The following TRIOBP variants were observed in gnomAD, a reference collection of about 807,000 sequenced individuals.
TRIOBP encodes TRIO and F-actin binding protein.
Under a neutral mutation model 238.8 loss-of-function variants are expected in TRIOBP, and 169 were observed. The ratio of observed to expected loss-of-function variants is 0.71; its 90% CI spans 0.62 to 0.80. The LOEUF (loss-of-function observed/expected upper bound fraction) is 0.80. Among genes scored for constraint, TRIOBP ranks in the 30% least tolerant of loss-of-function variants. The probability of loss-of-function intolerance (pLI) is 0.00; values close to 1 mark genes in which losing one functional copy is unlikely to be tolerated. For synonymous variants in TRIOBP, 1,150 were observed against 1,274.4 expected (o/e 0.90, Z 2.08); for missense variants, 2,838 against 3,122.6 (o/e 0.91, Z 2.17).
chr22:37,758,312 T>A, intron 16 of TRIOBP, among the ~76,000 whole-genome samples, 174 bp downstream of exon 16: 1 of 152,186 alleles, frequency 6.6e-6, no homozygotes, highest in Non-Finnish European at 1.5e-5. Flanking sequence ...CCTTAGACCT[T>A]AGTAGTTTGG....
rs757070140 is a variant in TRIOBP, at chr22:37,713,350, C to G, written c.395C>G (p.Ser132Cys). 291 of 1,614,042 alleles carry G rather than the reference C, an allele frequency of 1.8e-4. No homozygotes were observed. Among genetic ancestry groups the G allele is most frequent in the Non-Finnish European group, 2.3e-4 (277 of 1,179,986 alleles). The change falls in exon 5 of 24, where the codon TCT becomes TGT. Residue 132 changes from serine (S) to cysteine (C), a missense_variant. This residue lies in a region of TRIOBP where 535 missense variants were observed against 537.3 expected (regional missense o/e 1.00). Transcript: ENST00000644935. Reference sequence around the variant, plus strand: ...GGCAGCTGCAACGAGGACCCCGGCTCTGACCCCACCTCCAGCCCTGACTCC... The same window carrying G: ...GGCAGCTGCAACGAGGACCCCGGCTGTGACCCCACCTCCAGCCCTGACTCC... ...LCGSCNEDPG[S>C]DPTSSPDSAT...
chr22:37,759,078 C>G, intron 16 of TRIOBP, 76 bp from the exon 17 acceptor site: 3 of 1,222,186 alleles, frequency 2.5e-6, no homozygotes, highest in Non-Finnish European at 3.5e-6. Context: ...GAGCTGGAAG[C>G]CTGCGGGCTC....
intron 11 of TRIOBP, 110 bp from the exon 12 acceptor site, chr22:37,751,662 A>T (rs1925611026): frequency 7.8e-7 from 1 of 1,288,816 alleles, no homozygotes; most frequent in South Asian, 1.2e-5. Context: ...GCTTCCCAGG[A>T]GCTCGGTCCC....
Position 37,725,782 on chromosome 22 carries a change from C to T in TRIOBP, c.3226C>T (p.Pro1076Ser). The T allele has an allele frequency of 6.2e-7, 1 of 1,602,072 alleles. No individual in the cohort carries two copies. Residue 1076 changes from proline to serine, a missense_variant, in exon 7 of 24, where the codon CCC (proline) becomes TCC (serine). Transcript: ENST00000644935. ...CCGAGATGCCCCCCGGGCGTCCTCG[C>T]CCCCCCGCCACACCCAATTTGACCC... ...GHRDAPRASS[P>S]PRHTQFDPFP... is the part of the protein sequence containing the mutation.
At chr22:37,759,963 A>G in intron 17 of TRIOBP, 1 of 216,422 alleles carries the variant, frequency 4.6e-6, no homozygotes, top group Non-Finnish European at 8.8e-6. Flanking sequence ...AATTCCGTAC[A>G]GCAAATGGAT....
chr22:37,729,701 A>G (rs932861240), intron 7 of TRIOBP, among the ~76,000 whole-genome samples: 3 of 152,026 alleles, frequency 2.0e-5, no homozygotes, highest in Non-Finnish European at 4.4e-5. Context: ...TTACACGATC[A>G]CTCCTATACA....
intron 11 of TRIOBP, among the ~76,000 whole-genome samples, chr22:37,749,376 C>T (rs1247263556): frequency 7.2e-5 from 11 of 151,976 alleles, no homozygotes; most frequent in Non-Finnish European, 1.0e-4. Flanking sequence ...CACCTGGAGC[C>T]GTCCCTGGAA....
At chr22:37,711,593 C>CA (rs1923243500) in intron 4 of TRIOBP, among the ~76,000 whole-genome samples, 1 of 24,200 alleles carries the variant, frequency 4.1e-5, no homozygotes, top group African/African-American at 8.4e-5. Context: ...AAAAAAAAAA[C>CA]AACAAAAAAA....
At position 37,769,332 on chromosome 22, in the gene TRIOBP, A is replaced by G. The variant is rs61729060; in HGVS notation, c.6806A>G (p.Asn2269Ser). ...TTCATTGCCTCGCAGGGCATGGGCA[A>G]TGGCTGCGGGCGCAGCAACGAGCGG... is the stretch of plus-strand genomic sequence containing the variant. ...RGFIASQGMG[N>S]GCGRSNERSS... Residue 2269 changes from asparagine (N) to serine (S), a missense_variant, in exon 21 of 24, where the codon AAT becomes AGT. This residue lies in a region of TRIOBP where 2,096 missense variants were observed against 2,137.4 expected (regional missense o/e 0.98). Coordinates refer to ENST00000644935, the MANE Select transcript of TRIOBP (RefSeq NM_001039141.3). 1,764 of 1,611,514 alleles carry G rather than the reference A, an allele frequency of 1.1e-3. 15 individuals are homozygous for G. In the African/African-American group the frequency reaches 0.019, roughly 17 times the overall value.
intron 7 of TRIOBP, among the ~76,000 whole-genome samples, chr22:37,729,748 T>C (rs1371466874): frequency 1.3e-5 from 2 of 152,342 alleles, no homozygotes; most frequent in East Asian, 3.9e-4. Flanking sequence ...TTATTTACCT[T>C]TTAGGGAAGT....
chr22:37,706,017 C>T (rs1274154466), intron 3 of TRIOBP, among the ~76,000 whole-genome samples: 2 of 152,130 alleles, frequency 1.3e-5, no homozygotes, highest in African/African-American at 2.4e-5. Flanking sequence ...TGCACGTACT[C>T]ATCGGTGCCA....
chr22:37,732,803 G>T (rs1452976753), intron 7 of TRIOBP, among the ~76,000 whole-genome samples: 1 of 152,254 alleles, frequency 6.6e-6, no homozygotes, highest in Non-Finnish European at 1.5e-5. Context: ...CTGCGATCAT[G>T]ATACAAGTGC....
rs375342372 is a variant in TRIOBP at position 37,771,780 on chromosome 22, C to T, written c.6936+44C>T. On this transcript the variant is annotated intron_variant, in intron 22 of 23. Coordinates refer to ENST00000644935, the MANE Select transcript of TRIOBP (RefSeq NM_001039141.3). ...CTGGGGGCCGTCGGGGACTCTGGAG[C>T]CATCTGGATGCCATCCTGTGAGCAC... The T allele has an allele frequency of 1.5e-5, 23 of 1,573,782 alleles. No individual in the cohort carries two copies. The African/African-American group carries it at 3.1e-4, about 21-fold the overall frequency.
rs372581888 is a variant in TRIOBP at position 37,769,081 on chromosome 22, C to T, written c.6629C>T (p.Ser2210Leu). ...CTGCAGGTGCTATCGGAGCAGTACT[C>T]GCAGAAGTGCCTGGAGATTGGGGCA... is the stretch of plus-strand genomic sequence containing the variant. ...RELQVLSEQYSQKCLEIGALM... is the reference protein window; with the variant it reads ...RELQVLSEQYLQKCLEIGALM... Residue 2210 changes from serine (S) to leucine (L), a missense_variant, in exon 20 of 24, where the codon TCG (serine) becomes TTG (leucine). This residue lies in a region of TRIOBP where 2,096 missense variants were observed against 2,137.4 expected (regional missense o/e 0.98). Transcript: ENST00000644935. The T allele has an allele frequency of 2.8e-5, 45 of 1,613,432 alleles. No individual in the cohort carries two copies. The highest frequency in any genetic ancestry group is 3.5e-5 in the Non-Finnish European group (41 of 1,180,036).
At position 37,773,918 on chromosome 22, in the gene TRIOBP, ACAC is replaced by A; in HGVS notation, c.*139_*141del. On this transcript the variant is annotated 3_prime_UTR_variant, in exon 24 of 24. Coordinates refer to ENST00000644935, the MANE Select transcript of TRIOBP (RefSeq NM_001039141.3). ...ACTTGCACCCACCACACACACACACACACACACACACACACACACAGACACACA... is the reference window on the plus strand; with the variant it reads ...ACTTGCACCCACCACACACACACACAACACACACACACACACAGACACACA... The A allele has an allele frequency of 7.3e-6, 1 of 136,154 alleles. No homozygotes were observed. Among genetic ancestry groups the A allele is most frequent in the Non-Finnish European group, 1.5e-5 (1 of 67,084 alleles). 8.4% of individuals were successfully genotyped at this position (136,154 alleles called of 1,614,324 possible). A position where few individuals can be genotyped will look rare whatever the true frequency, so the allele number is the denominator to read the frequency against.
At position 37,725,109 on chromosome 22, in the gene TRIOBP, G is replaced by T. The variant is rs766975712; in HGVS notation, c.2553G>T (p.Arg851=). ...ACCTCAGACCCACTTGTACACAGCG[G>T]GACCGCACACAGTCCTTTTCCTTTC... ...RDNLRPTCTQ[R]DRTQSFSFQR... is the part of the protein sequence containing the mutation. Residue 851 remains arginine, a synonymous_variant, in exon 7 of 24, where the codon CGG becomes CGT. Transcript: ENST00000644935. 5 of 1,613,816 alleles carry T rather than the reference G, an allele frequency of 3.1e-6. No individual in the cohort carries two copies. The highest frequency in any genetic ancestry group is 4.2e-6 in the Non-Finnish European group (5 of 1,179,990).
chr22:37,741,319 G>A (rs1924925707), intron 11 of TRIOBP, among the ~76,000 whole-genome samples: 1 of 152,112 alleles, frequency 6.6e-6, no homozygotes, highest in Non-Finnish European at 1.5e-5. Flanking sequence ...GCAGCCTCTC[G>A]CCAGCCCTGG....
intron 6 of TRIOBP, among the ~76,000 whole-genome samples, chr22:37,721,747 CTGG>C (rs1385140506): frequency 3.9e-5 from 6 of 152,224 alleles, no homozygotes; most frequent in African/African-American, 1.4e-4. Context: ...TCTCAAAGTG[CTGG>C]GATTACAGGT....
rs554368061 is a variant in TRIOBP, at chr22:37,759,753, G to A, written c.6324+489G>A. On this transcript the variant is annotated intron_variant, in intron 17 of 23. Coordinates refer to ENST00000644935, the MANE Select transcript of TRIOBP (RefSeq NM_001039141.3). ...GAATGCACCGTCCGCCTAGGACAGCGGTTCTCAACGGGGTCCATTTTGTCC... is the reference window on the plus strand; with the variant it reads ...GAATGCACCGTCCGCCTAGGACAGCAGTTCTCAACGGGGTCCATTTTGTCC... 6.8e-4 allele frequency: 964 copies of A among 1,415,052 alleles called. 1 individual carries two copies. Among genetic ancestry groups the A allele is most frequent in the Non-Finnish European group, 8.4e-4 (908 of 1,085,060 alleles). The allele number at this position is 1,415,052 out of a possible 1,614,324, so 87.7% of individuals were successfully genotyped here. A position where few individuals can be genotyped will look rare whatever the true frequency, so the allele number is the denominator to read the frequency against.
Sources: allele counts gnomAD v4.1 joint callset (sites outside exome capture counted in the v4.1 genomes callset), GRCh38; gene constraint gnomAD v4.1.1; regional missense constraint gnomAD v4.1.1; transcripts MANE v1.5; gene names NCBI Gene and HGNC (gene_info 2026-07-23, HGNC 2026-07-21).